The following CUX1 variants were observed in gnomAD, a reference collection of about 807,000 sequenced individuals.
CUX1 encodes the protein protein CASP.
Under a neutral mutation model 158.8 loss-of-function variants are expected in CUX1, and 31 were observed. The ratio of observed to expected loss-of-function variants is 0.20; its 90% CI spans 0.15 to 0.26. The LOEUF is 0.26. Among genes scored for constraint, CUX1 ranks in the 10% least tolerant of loss-of-function variants. CUX1 has a pLI of 1.00. For missense variants in CUX1, 1,589 were observed against 2,014.6 expected, an observed-to-expected ratio of 0.79 and a Z score of 4.04; for synonymous variants, 879 against 862.1, an observed-to-expected ratio of 1.02 and a Z score of -0.34.
At chr7:102,133,412 G>T (rs2131329137) in intron 8 of CUX1, among the ~76,000 whole-genome samples, 1 of 151,944 alleles carries the variant, frequency 6.6e-6, no homozygotes. Context: ...TCTTCATGTG[G>T]GGTCTATAGA....
chr7:102,273,665 GCCT>G (rs1205640462), intron 15 of CUX1, among the ~76,000 whole-genome samples: 1 of 152,238 alleles, frequency 6.6e-6, no homozygotes, highest in African/African-American at 2.4e-5. Context: ...ATACCACCCT[GCCT>G]CCGATTTGGG....
In CUX1 at chr7:102,196,682, G is replaced by C; in HGVS notation, c.1271G>C (p.Gly424Ala). Residue 424 changes from glycine (G) to alanine (A), a missense_variant, in exon 15 of 24, where the codon GGA (glycine) becomes GCA (alanine). Physicochemically the swap from Gly to Ala is moderately conservative, Grantham distance 60. Around this residue, in one of 8 missense-constraint regions of CUX1, gnomAD observed 515 missense variants for 574.4 expected, o/e 0.90. Coordinates refer to ENST00000292535, the MANE Select transcript of CUX1 (RefSeq NM_181552.4). The stretch of plus-strand genomic sequence containing the variant: ...GACCAGCCTGAAAGTCGGCGCCCGG[G>C]ATCTTTGCCGGCCCCCCCTCCTTCT... ...GKDQPESRRPGSLPAPPPSQL... is the reference protein window; with the variant it reads ...GKDQPESRRPASLPAPPPSQL... 2 of 1,600,486 alleles carry C rather than the reference G, an allele frequency of 1.2e-6. No homozygotes were observed.
chr7:101,944,685 G>C (rs1808167890), intron 2 of CUX1, among the ~76,000 whole-genome samples: 1 of 152,216 alleles, frequency 6.6e-6, no homozygotes, highest in Admixed American at 6.5e-5. Flanking sequence ...CATGTCATCT[G>C]CTGTGGCGTG....
At chr7:102,175,123 G>T (rs1554511454) in intron 10 of CUX1, among the ~76,000 whole-genome samples, 1 of 152,184 alleles carries the variant, frequency 6.6e-6, no homozygotes, top group African/African-American at 2.4e-5. Flanking sequence ...GAGTTGGCCA[G>T]TGTGGCCGAG....
intron 1 of CUX1, among the ~76,000 whole-genome samples, chr7:101,858,967 C>G (rs549820779): frequency 6.6e-6 from 1 of 152,140 alleles, no homozygotes; most frequent in Non-Finnish European, 1.5e-5. Context: ...TCCCTTCATG[C>G]GTTGTGAAAA....
At chr7:102,163,914 A>C (rs1284746202) in intron 9 of CUX1, among the ~76,000 whole-genome samples, 2 of 152,232 alleles carry the variant, frequency 1.3e-5, no homozygotes, top group Admixed American at 6.5e-5. Flanking sequence ...TTTATTGCTC[A>C]ACCACTGTGC....
chr7:102,209,805 G>C (rs1233880196), intron 20 of CUX1, among the ~76,000 whole-genome samples: 2 of 152,172 alleles, frequency 1.3e-5, no homozygotes, highest in Non-Finnish European at 2.9e-5. Context: ...TAGAGGAGAA[G>C]GTAGAGGCTC....
chr7:102,175,370 C>T (rs782291620), intron 10 of CUX1, among the ~76,000 whole-genome samples: 2 of 152,204 alleles, frequency 1.3e-5, no homozygotes, highest in African/African-American at 4.8e-5. Context: ...GCCAGCACCC[C>T]TCAGGGTGGA....
chr7:101,967,860 G>C (rs1811429252), intron 2 of CUX1, among the ~76,000 whole-genome samples: 2 of 152,182 alleles, frequency 1.3e-5, no homozygotes, highest in Admixed American at 6.5e-5. Flanking sequence ...CACAGGTGCT[G>C]TTACTTGGGG....
intron 15 of CUX1, chr7:102,273,622 A>G: frequency 8.4e-7 from 1 of 1,190,430 alleles, no homozygotes; most frequent in Non-Finnish European, 1.2e-6. Flanking sequence ...GCTGTCACCT[A>G]AAACCATTGG....
chr7:102,099,784 G>A (rs987741180), intron 5 of CUX1, among the ~76,000 whole-genome samples: 6 of 152,026 alleles, frequency 3.9e-5, no homozygotes, highest in Non-Finnish European at 7.4e-5. Context: ...GGAGGGTGGT[G>A]CAGGTGGGGC....
intron 8 of CUX1, among the ~76,000 whole-genome samples, chr7:102,136,359 A>G (rs1299296347): frequency 1.5e-4 from 22 of 149,066 alleles, no homozygotes; most frequent in African/African-American, 4.7e-4. Context: ...TTGGTCACCT[A>G]TTTTTTCTGT....
intron 2 of CUX1, among the ~76,000 whole-genome samples, chr7:101,976,249 T>A (rs1017039757): frequency 6.6e-6 from 1 of 152,368 alleles, no homozygotes; most frequent in South Asian, 2.1e-4. Context: ...TACTCTCTTA[T>A]AGTAATTGTA....
chr7:101,894,397 T>G (rs1204049755), intron 1 of CUX1, among the ~76,000 whole-genome samples: 1 of 152,212 alleles, frequency 6.6e-6, no homozygotes, highest in Non-Finnish European at 1.5e-5. Flanking sequence ...CACTGCAAGC[T>G]CCGCCTCCTG....
chr7:101,885,824 A>G (rs770855025), intron 1 of CUX1, among the ~76,000 whole-genome samples: 1 of 152,114 alleles, frequency 6.6e-6, no homozygotes, highest in Non-Finnish European at 1.5e-5. Context: ...CACTCGTTGC[A>G]CTCACGGAAT....
At chr7:101,908,006 C>T (rs1014126690) in intron 1 of CUX1, among the ~76,000 whole-genome samples, 1 of 152,078 alleles carries the variant, frequency 6.6e-6, no homozygotes, top group African/African-American at 2.4e-5. Flanking sequence ...ATTACATTTA[C>T]GTGCTTAAAA....
chr7:101,987,591 T>C (rs948870183), intron 2 of CUX1, among the ~76,000 whole-genome samples: 1 of 152,234 alleles, frequency 6.6e-6, no homozygotes, highest in Non-Finnish European at 1.5e-5. Flanking sequence ...GGGTCCCTTA[T>C]AAGCCTGCTG....
At chr7:102,041,770 C>T (rs1270858391) in intron 3 of CUX1, among the ~76,000 whole-genome samples, 4 of 148,686 alleles carry the variant, frequency 2.7e-5, no homozygotes, top group Non-Finnish European at 4.4e-5. Flanking sequence ...CGGGTTCAAG[C>T]GATTCTCCTG....
intron 2 of CUX1, among the ~76,000 whole-genome samples, chr7:102,004,969 A>T (rs1372577198): frequency 1.3e-5 from 2 of 152,238 alleles, no homozygotes; most frequent in African/African-American, 4.8e-5. Flanking sequence ...TTCTTAGCTC[A>T]TGGGCCATAA....
Sources: allele counts gnomAD v4.1 joint callset (sites outside exome capture counted in the v4.1 genomes callset), GRCh38; gene constraint gnomAD v4.1.1; regional missense constraint gnomAD v4.1.1; transcripts MANE v1.5; gene names NCBI Gene and HGNC (gene_info 2026-07-23, HGNC 2026-07-21).